Variants in MEGF9 observed in about 807,000 individuals in gnomAD.
MEGF9 encodes multiple epidermal growth factor-like domains protein 9.
Under a neutral mutation model 46.8 loss-of-function variants are expected in MEGF9, and 6 were observed. The ratio of observed to expected loss-of-function variants is 0.13; its 90% CI spans 0.07 to 0.25. The LOEUF (loss-of-function observed/expected upper bound fraction) is 0.25. Among genes scored for constraint, MEGF9 ranks in the 10% least tolerant of loss-of-function variants. MEGF9 has a pLI of 1.00. For synonymous variants in MEGF9, 302 were observed against 330.7 expected (o/e 0.91, Z 0.94); for missense variants, 683 against 792.4 (o/e 0.86, Z 1.66).
At chr9:120,637,599 T>C (rs1429461694) in intron 2 of MEGF9, among the ~76,000 whole-genome samples, 1 of 150,946 alleles carries the variant, frequency 6.6e-6, no homozygotes, top group African/African-American at 2.4e-5. Context: ...CAAGACCAGC[T>C]TGGCCAAGAT....
chr9:120,610,073 C>T (rs536859862), intron 4 of MEGF9, among the ~76,000 whole-genome samples: 24 of 152,230 alleles, frequency 1.6e-4, no homozygotes, highest in African/African-American at 5.5e-4. Context: ...TTACTAAACT[C>T]TGGGCCTCAG....
intron 4 of MEGF9, among the ~76,000 whole-genome samples, chr9:120,608,597 G>A (rs1412144092): frequency 6.6e-6 from 1 of 152,162 alleles, no homozygotes; most frequent in Non-Finnish European, 1.5e-5. Flanking sequence ...ATATGTGTAT[G>A]TGTATCTCTA....
intron 1 of MEGF9, among the ~76,000 whole-genome samples, chr9:120,696,284 G>A (rs1199892517): frequency 1.3e-5 from 2 of 152,172 alleles, no homozygotes; most frequent in Non-Finnish European, 2.9e-5. Flanking sequence ...GGGCATCCCA[G>A]GTAGAGGGAA....
At chr9:120,675,693 C>T (rs188523400) in intron 1 of MEGF9, among the ~76,000 whole-genome samples, 7 of 150,576 alleles carry the variant, frequency 4.6e-5, no homozygotes, top group Admixed American at 3.9e-4. Context: ...TCAAGACCAG[C>T]CTGGCCAACA....
chr9:120,618,339 A>G (rs972136974), intron 3 of MEGF9, among the ~76,000 whole-genome samples: 1 of 152,194 alleles, frequency 6.6e-6, no homozygotes, highest in Non-Finnish European at 1.5e-5. Context: ...CTAGGAAAGC[A>G]TGATACTCTG....
At chr9:120,689,988 C>T (rs377250639) in intron 1 of MEGF9, 136 of 530,384 alleles carry the variant, frequency 2.6e-4, no homozygotes, top group Non-Finnish European at 4.3e-4. Context: ...CAAGTACTTG[C>T]TTTTCAGCTG....
chr9:120,667,862 C>T (rs1271308452), intron 1 of MEGF9, among the ~76,000 whole-genome samples: 1 of 152,158 alleles, frequency 6.6e-6, no homozygotes, highest in Non-Finnish European at 1.5e-5. Flanking sequence ...CCCGTCTCTA[C>T]TAAAATACAA....
At chr9:120,713,704 T>G (rs917759486) in intron 1 of MEGF9, 54 bp downstream of exon 1, 2 of 1,263,674 alleles carry the variant, frequency 1.6e-6, no homozygotes, top group Non-Finnish European at 2.0e-6. Flanking sequence ...CAACCCTAGA[T>G]TGCCGGGGCT....
At chr9:120,702,242 C>A (rs1051691403) in intron 1 of MEGF9, among the ~76,000 whole-genome samples, 11 of 152,106 alleles carry the variant, frequency 7.2e-5, no homozygotes, top group Admixed American at 5.2e-4. Context: ...TTATTCAAAA[C>A]CCTGACTCAC....
chr9:120,686,640 T>C (rs1157766091), intron 1 of MEGF9, among the ~76,000 whole-genome samples: 2 of 152,242 alleles, frequency 1.3e-5, no homozygotes, highest in Non-Finnish European at 2.9e-5. Context: ...GATCTGATTA[T>C]CTGCTCTACC....
chr9:120,656,976 T>G (rs1437266825), intron 2 of MEGF9, among the ~76,000 whole-genome samples: 2 of 152,188 alleles, frequency 1.3e-5, no homozygotes, highest in African/African-American at 4.8e-5. Flanking sequence ...AGTTACATGA[T>G]TACCTAAAAA....
chr9:120,669,834 G>A (rs1308373528), intron 1 of MEGF9, among the ~76,000 whole-genome samples: 2 of 152,066 alleles, frequency 1.3e-5, no homozygotes. Context: ...TGTAGAAAAT[G>A]CTCTCAGAAA....
chr9:120,634,004 G>C (rs770869148), intron 2 of MEGF9, among the ~76,000 whole-genome samples: 2 of 152,192 alleles, frequency 1.3e-5, no homozygotes, highest in African/African-American at 4.8e-5. Context: ...AGTCTAACAT[G>C]TGGTCTATCC....
chr9:120,649,776 C>A (rs75977618), intron 2 of MEGF9, among the ~76,000 whole-genome samples: 1 of 152,090 alleles, frequency 6.6e-6, no homozygotes, highest in African/African-American at 2.4e-5. Flanking sequence ...CATTAGCCTA[C>A]GGTAAAATTG....
chr9:120,626,879 CA>C (rs1366448236), intron 2 of MEGF9, among the ~76,000 whole-genome samples: 1 of 152,092 alleles, frequency 6.6e-6, no homozygotes, highest in Non-Finnish European at 1.5e-5. Context: ...ATGCATTTAG[CA>C]CAGTGTCTGG....
At chr9:120,705,384 G>C (rs2043924652) in intron 1 of MEGF9, among the ~76,000 whole-genome samples, 1 of 151,724 alleles carries the variant, frequency 6.6e-6, no homozygotes, top group South Asian at 2.1e-4. Flanking sequence ...AAGCACTGAA[G>C]GAGGACAAAG....
intron 4 of MEGF9, among the ~76,000 whole-genome samples, chr9:120,609,774 A>G (rs1254419463): frequency 6.6e-6 from 1 of 152,190 alleles, no homozygotes; most frequent in Non-Finnish European, 1.5e-5. Context: ...TAACAGGATC[A>G]CCCTGTTATC....
intron 1 of MEGF9, among the ~76,000 whole-genome samples, chr9:120,683,617 G>C (rs1000475356): frequency 6.6e-6 from 1 of 152,220 alleles, no homozygotes; most frequent in African/African-American, 2.4e-5. Flanking sequence ...GTGGAACTGT[G>C]AGTCAATTAA....
At position 120,714,110 on chromosome 9, in the gene MEGF9, CG is replaced by C; in HGVS notation, c.248del (p.Pro83ArgfsTer78). 3 of 1,244,236 alleles carry C rather than the reference CG, an allele frequency of 2.4e-6. No homozygotes were observed. The highest frequency in any genetic ancestry group is 3.0e-6 in the Non-Finnish European group (3 of 994,098). The allele number at this position is 1,244,236 out of a possible 1,614,324, so 77.1% of individuals were successfully genotyped here. On this transcript the variant is annotated frameshift_variant, in exon 1 of 6. Coordinates refer to ENST00000373930, the MANE Select transcript of MEGF9 (RefSeq NM_001080497.3). LOFTEE classifies it high-confidence loss of function. ...CCAGGGGTCGGTGGACGGTGGCGCG[CG>C]GGGGCCCGGTCCTCGGGGCCTGGGC... ...PTAQAPRTGP[P>X]RATVHRPLAA...
Sources: gnomAD v4.1 joint callset for allele counts (sites outside exome capture counted in the v4.1 genomes callset) on GRCh38, gnomAD v4.1.1 for gene constraint, MANE v1.5 for transcripts, NCBI Gene and HGNC (gene_info 2026-07-23, HGNC 2026-07-21) for gene names.